Variants in CREBRF observed in about 807,000 individuals in gnomAD.
CREBRF encodes the protein UPF0474 protein C5orf41.
CREBRF carries 5 observed loss-of-function variants against 66.1 expected under a neutral mutation model. The ratio of observed to expected loss-of-function variants is 0.08; its 90% CI spans 0.04 to 0.16. The LOEUF is 0.16. CREBRF is among the 10% of genes least tolerant of loss of function. The pLI is 1.00. For synonymous variants in CREBRF, 229 were observed against 264.4 expected, an observed-to-expected ratio of 0.87 and a Z score of 1.30; for missense variants, 531 against 744.9, an observed-to-expected ratio of 0.71 and a Z score of 3.34.
intron 3 of CREBRF, among the ~76,000 whole-genome samples, chr5:173,087,031 C>G (rs1304805321): frequency 6.6e-6 from 1 of 151,756 alleles, no homozygotes; most frequent in Non-Finnish European, 1.5e-5. Flanking sequence ...ACTGCAACCT[C>G]CATCTCCTGG....
At chr5:173,078,582 G>A (rs1435324995) in intron 1 of CREBRF, among the ~76,000 whole-genome samples, 1 of 147,818 alleles carries the variant, frequency 6.8e-6, no homozygotes, top group South Asian at 2.1e-4. Flanking sequence ...TTTTTGAGAC[G>A]GGGTCTTGCT....
At chr5:173,132,226 C>T (rs1193793105) in intron 8 of CREBRF, among the ~76,000 whole-genome samples, 3 of 148,282 alleles carry the variant, frequency 2.0e-5, no homozygotes, top group Non-Finnish European at 4.5e-5. Context: ...GCTGGGATTA[C>T]AGGTACCCGC....
At chr5:173,059,256 CTTTTTTTTCTTT>C (rs1159381254) in intron 1 of CREBRF, among the ~76,000 whole-genome samples, 2 of 117,644 alleles carry the variant, frequency 1.7e-5, no homozygotes, top group Non-Finnish European at 3.5e-5. Flanking sequence ...TCTTCTTTTT[CTTTTTTTTCTTT>C]TTTTTTTTTT....
chr5:173,117,579 CTCCTTCCTTCCTTCCTTCCTTCCA>C (rs1759025806), intron 7 of CREBRF, among the ~76,000 whole-genome samples: 27 of 39,614 alleles, frequency 6.8e-4, no homozygotes, highest in Non-Finnish European at 9.8e-4. Context: ...CCCTCCCTCC[CTCCTTCCTTCCTTCCTTCCTTCCA>C]TCCCTCCCTC....
chr5:173,100,118 G>GTATATA (rs1554125222), intron 4 of CREBRF, among the ~76,000 whole-genome samples: 20 of 88,382 alleles, frequency 2.3e-4, no homozygotes, highest in African/African-American at 6.4e-4. Context: ...GTGTGTGTGT[G>GTATATA]TATATATATA....
intron 4 of CREBRF, among the ~76,000 whole-genome samples, chr5:173,101,330 T>C (rs374130900): frequency 1.3e-5 from 2 of 152,164 alleles, no homozygotes; most frequent in African/African-American, 4.8e-5. Context: ...GTGCTGGAAT[T>C]ACTTGCATGA....
rs1414474123 is a variant in CREBRF, at chr5:173,136,823, G to A, written c.*3078G>A. 1 of 152,292 alleles carries A rather than the reference G, an allele frequency of 6.6e-6. No individual in the cohort carries two copies. The highest frequency in any genetic ancestry group is 2.4e-5 in the African/African-American group (1 of 41,386). The allele number at this position is 152,292 out of a possible 1,614,324, so 9.4% of individuals were successfully genotyped here. On this transcript the variant is annotated 3_prime_UTR_variant, in exon 9 of 9. Coordinates refer to ENST00000296953, the MANE Select transcript of CREBRF (RefSeq NM_153607.3). Reference sequence around the variant, plus strand: ...GAAGAGTTCTCTAAAGGTTTTCTGTGTTCATACATGGTATACAGATAGCTC... The same window carrying A: ...GAAGAGTTCTCTAAAGGTTTTCTGTATTCATACATGGTATACAGATAGCTC...
At chr5:173,082,377 A>G (rs1316194246) in intron 2 of CREBRF, among the ~76,000 whole-genome samples, 2 of 152,042 alleles carry the variant, frequency 1.3e-5, no homozygotes, top group African/African-American at 4.8e-5. Flanking sequence ...TTATTTTCTC[A>G]AGCTAACTTT....
intron 4 of CREBRF, chr5:173,091,602 T>C: frequency 7.6e-7 from 1 of 1,309,336 alleles, no homozygotes; most frequent in Non-Finnish European, 9.7e-7. Context: ...TAGGGATTCA[T>C]AAGCTGATTC....
chr5:173,118,369 A>T lies in CREBRF; in HGVS notation c.1682-4711A>T, dbSNP rs111480676. On this transcript the variant is annotated intron_variant, in intron 7 of 8. Transcript: ENST00000296953. Reference sequence around the variant, plus strand: ...TTTAATTTTGATGAATCAATTTGTCAGTTTTTTTAATATTTCATGATGTTT... The same window carrying T: ...TTTAATTTTGATGAATCAATTTGTCTGTTTTTTTAATATTTCATGATGTTT... Among the ~76,000 whole-genome samples, 1,321 of 152,246 alleles carry T rather than the reference A, an allele frequency of 8.7e-3. 25 individuals carry two copies. The highest frequency in any genetic ancestry group is 0.03 in the African/African-American group (1,256 of 41,548).
rs1388990148 is a variant in CREBRF, at chr5:173,119,268, GA to G, written c.1682-3810del. 3.3e-5 allele frequency among the ~76,000 whole-genome samples: 5 copies of G among 152,324 alleles called. No homozygotes were observed. In the East Asian group the frequency reaches 9.6e-4, roughly 29 times the overall value. On this transcript the variant is annotated intron_variant, in intron 7 of 8. Coordinates refer to ENST00000296953, the MANE Select transcript of CREBRF (RefSeq NM_153607.3). ...TTGAATCTTTAGATCTATTTAGAGA[GA>G]ATTACTATCTTAAAATGGAGTTTTC...
intron 4 of CREBRF, among the ~76,000 whole-genome samples, chr5:173,096,412 TTTCCC>T (rs1172700121): frequency 4.1e-4 from 61 of 147,116 alleles, no homozygotes; most frequent in African/African-American, 1.1e-3. Flanking sequence ...TCTCTTTCCT[TTTCCC>T]TTCCCTTCCC....
intron 3 of CREBRF, among the ~76,000 whole-genome samples, chr5:173,087,725 C>T (rs1316358830): frequency 1.3e-5 from 2 of 151,948 alleles, no homozygotes; most frequent in African/African-American, 4.8e-5. Context: ...GTGGCTCATG[C>T]CTGTAATCCC....
intron 7 of CREBRF, among the ~76,000 whole-genome samples, chr5:173,115,354 G>A (rs1472569494): frequency 1.3e-5 from 2 of 152,054 alleles, no homozygotes; most frequent in Non-Finnish European, 2.9e-5. Context: ...TAATCTGCCT[G>A]CCTCGGCCTC....
chr5:173,091,657 T>C, intron 4 of CREBRF: 1 of 1,150,840 alleles, frequency 8.7e-7, no homozygotes, highest in Non-Finnish European at 1.1e-6. Flanking sequence ...TTTTTAAAAT[T>C]AAAATAGAGA....
chr5:173,111,149 CA>C (rs1341626600), intron 6 of CREBRF, among the ~76,000 whole-genome samples: 2 of 152,180 alleles, frequency 1.3e-5, no homozygotes, highest in Admixed American at 6.5e-5. Context: ...TTTGTAAAAG[CA>C]AACCCCTTCC....
intron 2 of CREBRF, among the ~76,000 whole-genome samples, chr5:173,083,825 A>G (rs527364802): frequency 9.2e-5 from 14 of 152,342 alleles, no homozygotes; most frequent in Admixed American, 3.3e-4. Context: ...TTTCTAGAAG[A>G]TATTAATTGC....
chr5:173,131,654 C>T (rs1581054914), intron 8 of CREBRF, among the ~76,000 whole-genome samples: 1 of 152,032 alleles, frequency 6.6e-6, no homozygotes, highest in East Asian at 1.9e-4. Context: ...CATTATTTGT[C>T]ATGCTAAGTT....
intron 2 of CREBRF, among the ~76,000 whole-genome samples, chr5:173,082,908 C>CAAAAAAAAAAAAAAAAAA (rs70984937): frequency 1.4e-4 from 4 of 29,018 alleles, no homozygotes; most frequent in Non-Finnish European, 2.4e-4. Flanking sequence ...GACTCTGTCT[C>CAAAAAAAAAAAAAAAAAA]AAAAAAAAAA....
Sources: gnomAD v4.1 joint callset for allele counts (sites outside exome capture counted in the v4.1 genomes callset) on GRCh38, gnomAD v4.1.1 for gene constraint, MANE v1.5 for transcripts, NCBI Gene and HGNC (gene_info 2026-07-23, HGNC 2026-07-21) for gene names.